Variants in MAP3K5 observed in about 807,000 individuals in gnomAD.
The protein encoded by MAP3K5 is ASK-1.
In MAP3K5, 56 loss-of-function variants were observed where a neutral mutation model predicts 158.7. The observed-to-expected ratio is 0.35, with a 90% CI of 0.28 to 0.44. The LOEUF is 0.44. MAP3K5 is among the 20% of genes least tolerant of loss of function. The pLI, the probability that MAP3K5 is intolerant of heterozygous loss-of-function variation, is 1.00. For missense variants in MAP3K5, 1,294 were observed against 1,674.8 expected, an observed-to-expected ratio of 0.77 and a Z score of 3.97; for synonymous variants, 579 against 601.7, an observed-to-expected ratio of 0.96 and a Z score of 0.55.
intron 9 of MAP3K5, 93 bp from the exon 10 acceptor site, chr6:136,656,553 C>A: frequency 1.3e-6 from 1 of 761,290 alleles, no homozygotes; most frequent in Non-Finnish European, 2.2e-6. Flanking sequence ...GTAATTTATA[C>A]ATGACATTAA....
At chr6:136,763,913 C>G (rs1055766138) in intron 1 of MAP3K5, among the ~76,000 whole-genome samples, 2 of 152,174 alleles carry the variant, frequency 1.3e-5, no homozygotes, top group Admixed American at 1.3e-4. Flanking sequence ...ATGTGATACT[C>G]TGCACCACCT....
chr6:136,743,222 G>A (rs1337483158), intron 1 of MAP3K5, among the ~76,000 whole-genome samples: 2 of 152,214 alleles, frequency 1.3e-5, no homozygotes, highest in African/African-American at 2.4e-5. Flanking sequence ...AGGCCGAGGC[G>A]GGTAGATCAT....
chr6:136,787,183 C>T (rs1350698441), intron 1 of MAP3K5, among the ~76,000 whole-genome samples: 1 of 152,050 alleles, frequency 6.6e-6, no homozygotes, highest in Non-Finnish European at 1.5e-5. Context: ...GGCAATATAG[C>T]GAGACCCCAT....
chr6:136,743,405 G>A (rs1441038193), intron 1 of MAP3K5, among the ~76,000 whole-genome samples: 12 of 148,352 alleles, frequency 8.1e-5, no homozygotes, highest in African/African-American at 2.2e-4. Context: ...AGCCAAGATC[G>A]CGAAACTGCA....
chr6:136,569,438 A>G lies in MAP3K5; in HGVS notation c.3518-1564T>C, dbSNP rs534286115. On this transcript the variant is annotated intron_variant, in intron 25 of 29. Coordinates refer to ENST00000359015, the MANE Select transcript of MAP3K5 (RefSeq NM_005923.4). Reference sequence around the variant, plus strand: ...CATAATAAGAACCTTGGCTTCCACAATAGCCCTTATCTTAACTCAAGCATT... The same window carrying G: ...CATAATAAGAACCTTGGCTTCCACAGTAGCCCTTATCTTAACTCAAGCATT... 5.3e-5 allele frequency among the ~76,000 whole-genome samples: 8 copies of G among 152,280 alleles called. No individual in the cohort carries two copies. In the East Asian group the frequency reaches 7.7e-4, roughly 15 times the overall value.
intron 1 of MAP3K5, among the ~76,000 whole-genome samples, chr6:136,746,949 C>G (rs1375440253): frequency 2.0e-5 from 3 of 152,206 alleles, no homozygotes; most frequent in Non-Finnish European, 4.4e-5. Context: ...CTTCAATTTT[C>G]TTTCGTTTTT....
intron 7 of MAP3K5, among the ~76,000 whole-genome samples, chr6:136,677,132 ATTTTT>A (rs1214152994): frequency 1.1e-5 from 1 of 93,364 alleles, no homozygotes. Flanking sequence ...GATGATATCC[ATTTTT>A]TTTTTTTTTT....
chr6:136,596,148 C>T (rs146900058), intron 21 of MAP3K5, among the ~76,000 whole-genome samples: 1 of 151,992 alleles, frequency 6.6e-6, no homozygotes, highest in Non-Finnish European at 1.5e-5. Flanking sequence ...TAGACCCGGC[C>T]CTTAAGAATG....
Position 136,669,399 on chromosome 6 carries a change from T to A in MAP3K5, c.1254-4A>T. ...AGATTCAAATGCCTTTTTGAACCTA[T>A]AAAAAACCACAAATGTACAAGTTAA... On this transcript the variant is annotated splice_region_variant and splice_polypyrimidine_tract_variant and intron_variant, in intron 7 of 29. Coordinates refer to ENST00000359015, the MANE Select transcript of MAP3K5 (RefSeq NM_005923.4). The A allele has an allele frequency of 6.5e-7, 1 of 1,534,810 alleles. No individual in the cohort carries two copies. Among genetic ancestry groups the A allele is most frequent in the Non-Finnish European group, 9.0e-7 (1 of 1,109,538 alleles).
chr6:136,757,581 TTTTTA>T (rs1562679160), intron 1 of MAP3K5, among the ~76,000 whole-genome samples: 4 of 107,966 alleles, frequency 3.7e-5, no homozygotes, highest in African/African-American at 1.3e-4. Context: ...ATTTATTTAT[TTTTTA>T]TTTTTTTTTT....
rs1271972575 is a variant in MAP3K5 at position 136,609,723 on chromosome 6, T to G, written c.2521+1559A>C. Among the ~76,000 whole-genome samples the G allele has an allele frequency of 2.0e-5, 3 of 150,510 alleles. No homozygotes were observed. Among genetic ancestry groups the G allele is most frequent in the Non-Finnish European group, 4.4e-5 (3 of 67,650 alleles). Reference sequence around the variant, plus strand: ...GTAGGAGAATCACTTGAGCCCGGGGTAGGGGAGGTCACAGTGAGCAGAGAT... The same window carrying G: ...GTAGGAGAATCACTTGAGCCCGGGGGAGGGGAGGTCACAGTGAGCAGAGAT... On this transcript the variant is annotated intron_variant, in intron 18 of 29. Coordinates refer to ENST00000359015, the MANE Select transcript of MAP3K5 (RefSeq NM_005923.4). This position sits in a 1 kb window ranked among gnomAD's most constrained non-coding sequence, Gnocchi z 4.4.
rs368393253 is a variant in MAP3K5, at chr6:136,601,783, C to T, written c.2857+19G>A. Reference sequence around the variant, plus strand: ...GATTGAAGGACTCAGACTATATCCTCTTCAATGCAACCACATACCTGAAAG... The same window carrying T: ...GATTGAAGGACTCAGACTATATCCTTTTCAATGCAACCACATACCTGAAAG... On this transcript the variant is annotated intron_variant, in intron 20 of 29. Coordinates refer to ENST00000359015, the MANE Select transcript of MAP3K5 (RefSeq NM_005923.4). The T allele has an allele frequency of 5.0e-6, 8 of 1,612,634 alleles. No homozygotes were observed. In the African/African-American group the frequency reaches 1.1e-4, roughly 22 times the overall value.
At chr6:136,756,571 C>T (rs1783500793) in intron 1 of MAP3K5, among the ~76,000 whole-genome samples, 3 of 152,238 alleles carry the variant, frequency 2.0e-5, no homozygotes, top group East Asian at 3.9e-4. Context: ...AAGGGTATTG[C>T]CTGTGTTGTA....
At chr6:136,699,124 A>AC (rs1202486135) in intron 3 of MAP3K5, among the ~76,000 whole-genome samples, 3 of 151,812 alleles carry the variant, frequency 2.0e-5, no homozygotes, top group South Asian at 2.1e-4. Context: ...GCTCAAATCC[A>AC]CCCCCCGGGA....
At chr6:136,643,190 A>T (rs1055490281) in intron 11 of MAP3K5, among the ~76,000 whole-genome samples, 3 of 152,220 alleles carry the variant, frequency 2.0e-5, no homozygotes, top group African/African-American at 7.2e-5. Context: ...AACATGGGTG[A>T]TTTGCAGAGC....
At chr6:136,645,771 T>C (rs889631057) in intron 11 of MAP3K5, among the ~76,000 whole-genome samples, 1 of 152,222 alleles carries the variant, frequency 6.6e-6, no homozygotes, top group African/African-American at 2.4e-5. Context: ...GTTTTGAAAG[T>C]TGCAGTATAA....
At chr6:136,754,201 A>G (rs2114935662) in intron 1 of MAP3K5, among the ~76,000 whole-genome samples, 1 of 151,906 alleles carries the variant, frequency 6.6e-6, no homozygotes, top group East Asian at 1.9e-4. Context: ...TGAACCTGGG[A>G]GGCAGACGTT....
At chr6:136,790,820 C>T (rs1266913253) in intron 1 of MAP3K5, among the ~76,000 whole-genome samples, 1 of 152,162 alleles carries the variant, frequency 6.6e-6, no homozygotes, top group Admixed American at 6.5e-5. Context: ...GGTTAATTTC[C>T]ATAATATGGT....
Position 136,791,820 on chromosome 6 carries a change from A to G in MAP3K5, c.338T>C (p.Leu113Pro). 3 of 1,613,802 alleles carry G rather than the reference A, an allele frequency of 1.9e-6. No individual in the cohort carries two copies. The highest frequency in any genetic ancestry group is 2.5e-6 in the Non-Finnish European group (3 of 1,180,016). ...CTCGCACGCCTCCCGCAAGCTCTGC[A>G]GGGCCTCGCTCTCGGCCACCACCAG... ...GQLVVAESEA[L>P]QSLREACETV... Residue 113 changes from leucine (L) to proline (P), a missense_variant, in exon 1 of 30, where the codon CTG (leucine) becomes CCG (proline). Physicochemically the swap from Leu to Pro is moderately conservative, Grantham distance 98. Transcript: ENST00000359015.
Sources: allele counts gnomAD v4.1 joint callset (sites outside exome capture counted in the v4.1 genomes callset), GRCh38; gene constraint gnomAD v4.1.1; non-coding constraint Gnocchi (gnomAD v3.1); transcripts MANE v1.5; gene names NCBI Gene and HGNC (gene_info 2026-07-23, HGNC 2026-07-21).